The following IL1RAPL2 variants were observed in gnomAD, a reference collection of about 807,000 sequenced individuals.
The protein encoded by IL1RAPL2 is X-linked interleukin-1 receptor accessory protein-like 2.
A neutral mutation model predicts 44.1 loss-of-function variants in IL1RAPL2; 3 were observed. The ratio of observed to expected loss-of-function variants is 0.07; its 90% confidence interval spans 0.03 to 0.18. IL1RAPL2 has a LOEUF of 0.18. Ranked by LOEUF, IL1RAPL2 falls within the 10% of genes least tolerant of loss-of-function variation. The pLI, the probability that IL1RAPL2 is intolerant of heterozygous loss-of-function variation, is 1.00. For missense variants in IL1RAPL2, 391 were observed against 496.4 expected (o/e 0.79, Z 2.02); for synonymous variants, 181 against 178.8 (o/e 1.01, Z -0.10).
intron 2 of IL1RAPL2, among the ~76,000 whole-genome samples, chrX:105,113,333 ACT>A (rs1227450873): frequency 8.9e-6 from 1 of 111,807 alleles, no homozygotes; most frequent in Non-Finnish European, 1.9e-5. Context: ...CTTTTCTCAG[ACT>A]CTCTGCTCAC....
intron 1 of IL1RAPL2, among the ~76,000 whole-genome samples, chrX:104,567,894 T>G (rs779124591): frequency 9.8e-5 from 11 of 112,279 alleles, no homozygotes; most frequent in Non-Finnish European, 1.9e-4. Flanking sequence ...AAATGTGTAT[T>G]ATAACAAATG....
At chrX:105,459,893 G>C (rs969255411) in intron 5 of IL1RAPL2, among the ~76,000 whole-genome samples, 2 of 111,044 alleles carry the variant, frequency 1.8e-5, no homozygotes, top group Admixed American at 1.9e-4. Context: ...ATTTCCACGG[G>C]GAAAAAATTA....
intron 2 of IL1RAPL2, among the ~76,000 whole-genome samples, chrX:105,092,868 C>A (rs1450812318): frequency 1.8e-5 from 2 of 110,304 alleles, no homozygotes; most frequent in African/African-American, 3.3e-5. Context: ...GCCCTGTGTG[C>A]CTGAAAAACA....
At chrX:105,593,014 C>T (rs1008015929) in intron 6 of IL1RAPL2, among the ~76,000 whole-genome samples, 2 of 112,010 alleles carry the variant, frequency 1.8e-5, no homozygotes, top group African/African-American at 6.5e-5. Context: ...ATGATTTCCT[C>T]AAATATATTT....
At chrX:105,036,223 C>A (rs1422033802) in intron 2 of IL1RAPL2, among the ~76,000 whole-genome samples, 4 of 112,135 alleles carry the variant, frequency 3.6e-5, no homozygotes, top group African/African-American at 1.3e-4. Flanking sequence ...AGAACACAGA[C>A]CCCTGAAACA....
chrX:105,742,358 A>T (rs964729776), intron 8 of IL1RAPL2, among the ~76,000 whole-genome samples: 7 of 111,545 alleles, frequency 6.3e-5, no homozygotes, highest in African/African-American at 2.3e-4. Flanking sequence ...CAAAAGATAC[A>T]TAGTGTTATA....
At chrX:105,128,568 T>A (rs1053218067) in intron 2 of IL1RAPL2, among the ~76,000 whole-genome samples, 2 of 111,344 alleles carry the variant, frequency 1.8e-5, no homozygotes, top group Non-Finnish European at 3.8e-5. Flanking sequence ...AAAGGTATAG[T>A]GTTGTGAGCT....
intron 6 of IL1RAPL2, among the ~76,000 whole-genome samples, chrX:105,689,618 T>C (rs2038017725): frequency 8.9e-6 from 1 of 112,010 alleles, no homozygotes; most frequent in Non-Finnish European, 1.9e-5. Context: ...ACACTGTTGG[T>C]GGGAGTGTAA....
intron 2 of IL1RAPL2, among the ~76,000 whole-genome samples, chrX:105,148,570 G>A (rs183291918): frequency 8.9e-6 from 1 of 111,740 alleles, no homozygotes; most frequent in East Asian, 2.8e-4. Context: ...GAGGAATATA[G>A]TGATTTATAG....
chrX:105,672,755 G>A (rs915280582), intron 6 of IL1RAPL2, among the ~76,000 whole-genome samples: 1 of 112,207 alleles, frequency 8.9e-6, no homozygotes, highest in Non-Finnish European at 1.9e-5. Context: ...TCCTTTGCTG[G>A]CATGGGCAGG....
intron 2 of IL1RAPL2, among the ~76,000 whole-genome samples, chrX:104,673,663 T>C (rs1248603505): frequency 7.2e-5 from 8 of 110,938 alleles, no homozygotes; most frequent in Admixed American, 9.5e-5. Flanking sequence ...ATGGGGATGG[T>C]ATTGAATCTG....
At chrX:104,676,059 C>T (rs1381073663) in intron 2 of IL1RAPL2, among the ~76,000 whole-genome samples, 1 of 108,142 alleles carries the variant, frequency 9.2e-6, no homozygotes, top group Non-Finnish European at 1.9e-5. Flanking sequence ...ATCCAATTTG[C>T]CAGTCTGTGT....
At chrX:105,729,592 G>A (rs1015165392) in intron 7 of IL1RAPL2, among the ~76,000 whole-genome samples, 13 of 110,517 alleles carry the variant, frequency 1.2e-4, no homozygotes, top group African/African-American at 3.6e-4. Context: ...TGAATTCCAT[G>A]TAGAAGTTTC....
chrX:105,219,191 C>T lies in IL1RAPL2; in HGVS notation c.357-14627C>T, dbSNP rs782521356. ...AGGCTAGTATCAAAGGCCTCCCAGT[C>T]GGAAGGCAGCTGAGGCGGAACTGGT... On this transcript the variant is annotated intron_variant, in intron 3 of 10. Coordinates refer to ENST00000372582, the MANE Select transcript of IL1RAPL2 (RefSeq NM_017416.2). 2.1e-5 allele frequency: 25 copies of T among 1,208,040 alleles called. No homozygotes were observed. The South Asian group carries it at 4.1e-4, about 20-fold the overall frequency.
At chrX:105,275,670 C>G (rs2034480558) in intron 5 of IL1RAPL2, among the ~76,000 whole-genome samples, 1 of 107,278 alleles carries the variant, frequency 9.3e-6, no homozygotes, top group Non-Finnish European at 1.9e-5. Context: ...CTTATAATTT[C>G]AAAGCACTTT....
At chrX:105,114,157 T>C (rs1356135124) in intron 2 of IL1RAPL2, among the ~76,000 whole-genome samples, 1 of 111,579 alleles carries the variant, frequency 9.0e-6, no homozygotes, top group Admixed American at 9.5e-5. Context: ...ATGAATAGGA[T>C]TGGTACTCTG....
At chrX:105,054,186 C>A (rs185212013) in intron 2 of IL1RAPL2, among the ~76,000 whole-genome samples, 7 of 110,638 alleles carry the variant, frequency 6.3e-5, no homozygotes, top group African/African-American at 2.3e-4. Context: ...CATACACACA[C>A]ACTCACACTG....
chrX:105,357,834 C>G (rs998798100), intron 5 of IL1RAPL2, among the ~76,000 whole-genome samples: 2 of 108,944 alleles, frequency 1.8e-5, no homozygotes, highest in African/African-American at 6.7e-5. Flanking sequence ...TATACATATA[C>G]TCACACATTC....
chrX:104,662,740 C>T (rs887456385), intron 2 of IL1RAPL2, among the ~76,000 whole-genome samples: 1 of 111,823 alleles, frequency 8.9e-6, no homozygotes, highest in Admixed American at 9.5e-5. Context: ...ATTAAATCAT[C>T]CCCTTAACTT....
Sources: gnomAD v4.1 joint callset for allele counts (sites outside exome capture counted in the v4.1 genomes callset) on GRCh38, gnomAD v4.1.1 for gene constraint, MANE v1.5 for transcripts, NCBI Gene and HGNC (gene_info 2026-07-23, HGNC 2026-07-21) for gene names.